GATAD2B: variants seen among roughly 807,000 people sequenced by gnomAD.
GATAD2B encodes transcriptional repressor p66-beta.
Under a neutral mutation model 64.3 loss-of-function variants are expected in GATAD2B, and 8 were observed. The ratio of observed to expected loss-of-function variants is 0.12; its 90% CI spans 0.07 to 0.22. GATAD2B has a LOEUF of 0.22. GATAD2B is among the 10% of genes least tolerant of loss of function. The pLI, the probability that GATAD2B is intolerant of heterozygous loss-of-function variation, is 1.00. For missense variants in GATAD2B, 453 were observed against 752.0 expected (o/e 0.60, Z 4.65); for synonymous variants, 281 against 271.3 (o/e 1.04, Z -0.35).
At chr1:153,830,422 A>G (rs944825867) in intron 1 of GATAD2B, among the ~76,000 whole-genome samples, 2 of 151,704 alleles carry the variant, frequency 1.3e-5, no homozygotes, top group Admixed American at 1.3e-4. Flanking sequence ...CTGGGATCAC[A>G]GGCATTAGCC....
At chr1:153,818,657 A>G in intron 4 of GATAD2B, 134 bp downstream of exon 4, 1 of 713,214 alleles carries the variant, frequency 1.4e-6, no homozygotes, top group Non-Finnish European at 2.3e-6. Flanking sequence ...AAAAAAAATC[A>G]CTACTACTAC....
chr1:153,886,870 G>GT (rs1444765486), intron 1 of GATAD2B, among the ~76,000 whole-genome samples: 1 of 151,864 alleles, frequency 6.6e-6, no homozygotes, highest in Non-Finnish European at 1.5e-5. Flanking sequence ...AAAAATAGCT[G>GT]TTTTTTTAAA....
Position 153,880,359 on chromosome 1 carries a change from C to T in GATAD2B, c.-2+42374G>A, listed in dbSNP as rs1024352559. Among the ~76,000 whole-genome samples, 8 of 151,762 alleles carry T rather than the reference C, an allele frequency of 5.3e-5. 1 individual carries two copies. The South Asian group carries it at 6.3e-4, about 12-fold the overall frequency. On this transcript the variant is annotated intron_variant, in intron 1 of 10. Transcript: ENST00000368655. ...GTGGGCACCTGTAATCTCAGCTTCT[C>T]GGGAGGCAGAGGCACAAAAATCACT... is the stretch of plus-strand genomic sequence containing the variant.
At chr1:153,849,536 C>T (rs1675814703) in intron 1 of GATAD2B, among the ~76,000 whole-genome samples, 4 of 152,228 alleles carry the variant, frequency 2.6e-5, no homozygotes, top group African/African-American at 9.6e-5. Flanking sequence ...TCAAACCAAA[C>T]ACTTGGAGTC....
Position 153,805,598 on chromosome 1 carries a change from C to A in GATAD2B, c.*4579G>T, listed in dbSNP as rs868332976. 1 of 152,208 alleles carries A rather than the reference C, an allele frequency of 6.6e-6. No homozygotes were observed. Among genetic ancestry groups the A allele is most frequent in the Non-Finnish European group, 1.5e-5 (1 of 68,040 alleles). The allele number at this position is 152,208 out of a possible 1,614,324, so 9.4% of individuals were successfully genotyped here. A position where few individuals can be genotyped will look rare whatever the true frequency, so the allele number is the denominator to read the frequency against. ...ATTGTCATACACATAACCACTTCAACGCGAGTCACTTTCAGTTCCTCCCTG... is the reference window on the plus strand; with the variant it reads ...ATTGTCATACACATAACCACTTCAAAGCGAGTCACTTTCAGTTCCTCCCTG... On this transcript the variant is annotated 3_prime_UTR_variant, in exon 11 of 11. Coordinates refer to ENST00000368655, the MANE Select transcript of GATAD2B (RefSeq NM_020699.4).
Position 153,886,328 on chromosome 1 carries a change from G to A in GATAD2B, c.-2+36405C>T, listed in dbSNP as rs528393604. On this transcript the variant is annotated intron_variant, in intron 1 of 10. Transcript: ENST00000368655. ...CTAGGCTATAAACCTATATAGTATA[G>A]TCTGTTACTATACTGGCAATTATAA... 2.6e-5 allele frequency: 4 copies of A among 152,160 alleles called. No homozygotes were observed. In the East Asian group the frequency reaches 7.7e-4, roughly 29 times the overall value. 9.4% of individuals were successfully genotyped at this position (152,160 alleles called of 1,614,324 possible).
chr1:153,902,384 A>G (rs980107547), intron 1 of GATAD2B, among the ~76,000 whole-genome samples: 1 of 152,238 alleles, frequency 6.6e-6, no homozygotes, highest in African/African-American at 2.4e-5. Flanking sequence ...TATAATTCCT[A>G]CTTAAGGGGT....
At chr1:153,870,845 G>C (rs965489639) in intron 1 of GATAD2B, among the ~76,000 whole-genome samples, 1 of 152,068 alleles carries the variant, frequency 6.6e-6, no homozygotes, top group Admixed American at 6.6e-5. Flanking sequence ...TTTAGATAAG[G>C]GATACTCAAA....
At chr1:153,892,814 C>A (rs1261329983) in intron 1 of GATAD2B, among the ~76,000 whole-genome samples, 1 of 151,660 alleles carries the variant, frequency 6.6e-6, no homozygotes, top group Admixed American at 6.6e-5. Context: ...CCTACCTCCG[C>A]CTCCCAAGTA....
chr1:153,854,231 T>C (rs1553193326), intron 1 of GATAD2B, among the ~76,000 whole-genome samples: 1 of 151,928 alleles, frequency 6.6e-6, no homozygotes, highest in Non-Finnish European at 1.5e-5. Context: ...TAAAACCCCG[T>C]CTCTACTAAA....
chr1:153,902,984 G>A (rs1241336881), intron 1 of GATAD2B, among the ~76,000 whole-genome samples: 7 of 152,198 alleles, frequency 4.6e-5, no homozygotes, highest in South Asian at 2.1e-4. Context: ...TGGGGAGGCC[G>A]AGGCAGAGGG....
At chr1:153,914,180 T>C (rs575389145) in intron 1 of GATAD2B, among the ~76,000 whole-genome samples, 43 of 139,030 alleles carry the variant, frequency 3.1e-4, no homozygotes, top group Non-Finnish European at 5.4e-4. Flanking sequence ...GAGGCGGAGG[T>C]TGCAGTGAGC....
At chr1:153,871,079 T>G (rs1246168602) in intron 1 of GATAD2B, among the ~76,000 whole-genome samples, 1 of 151,818 alleles carries the variant, frequency 6.6e-6, no homozygotes, top group Non-Finnish European at 1.5e-5. Flanking sequence ...TGTTTTTTGT[T>G]TTTTTTTGAG....
chr1:153,859,906 TC>T (rs377160968), intron 1 of GATAD2B, among the ~76,000 whole-genome samples: 1 of 101,192 alleles, frequency 9.9e-6, no homozygotes, highest in African/African-American at 3.5e-5. Context: ...TCTTTTCTTT[TC>T]TTTTTTTTTT....
At chr1:153,869,445 T>C (rs1676589791) in intron 1 of GATAD2B, among the ~76,000 whole-genome samples, 1 of 152,224 alleles carries the variant, frequency 6.6e-6, no homozygotes, top group South Asian at 2.1e-4. Flanking sequence ...AACTTATGGA[T>C]ATTTATTTTA....
intron 1 of GATAD2B, among the ~76,000 whole-genome samples, chr1:153,874,783 C>T (rs1451389151): frequency 6.6e-6 from 1 of 151,884 alleles, no homozygotes; most frequent in Non-Finnish European, 1.5e-5. Context: ...CATCATATTG[C>T]TCAGACTGGT....
At chr1:153,863,106 T>A (rs1341518453) in intron 1 of GATAD2B, among the ~76,000 whole-genome samples, 2 of 152,166 alleles carry the variant, frequency 1.3e-5, no homozygotes, top group Non-Finnish European at 2.9e-5. Flanking sequence ...TGGGTGGGGC[T>A]AAGGAATCTG....
intron 1 of GATAD2B, among the ~76,000 whole-genome samples, chr1:153,867,752 C>G (rs956995936): frequency 3.3e-5 from 5 of 151,770 alleles, no homozygotes; most frequent in African/African-American, 9.7e-5. Context: ...CTTAACTACT[C>G]AGGAGGCTGA....
intron 1 of GATAD2B, among the ~76,000 whole-genome samples, chr1:153,904,918 G>T (rs1016176271): frequency 1.3e-5 from 2 of 152,074 alleles, no homozygotes; most frequent in Non-Finnish European, 2.9e-5. Context: ...TATTGGTCAG[G>T]CTGGTCTCGA....
Sources: allele counts gnomAD v4.1 joint callset (sites outside exome capture counted in the v4.1 genomes callset), GRCh38; gene constraint gnomAD v4.1.1; transcripts MANE v1.5; gene names NCBI Gene and HGNC (gene_info 2026-07-23, HGNC 2026-07-21).